Variants in NPEPL1 observed in about 807,000 individuals in gnomAD.
The protein encoded by NPEPL1 is probable aminopeptidase NPEPL1.
Under a neutral mutation model 52.4 loss-of-function variants are expected in NPEPL1, and 45 were observed. The observed-to-expected ratio is 0.86, with a 90% confidence interval of 0.68 to 1.10. The LOEUF (loss-of-function observed/expected upper bound fraction) is 1.10, where lower values mean the gene tolerates loss of function less well. Ranked by LOEUF, NPEPL1 falls within the 50% of genes least tolerant of loss-of-function variation. The probability of loss-of-function intolerance (pLI) is 0.00; values close to 1 mark genes in which losing one functional copy is unlikely to be tolerated. For synonymous variants in NPEPL1, 360 were observed against 314.7 expected (o/e 1.14, Z -1.52); for missense variants, 696 against 710.9 (o/e 0.98, Z 0.24).
Position 58,712,443 on chromosome 20 carries a change from C to T in NPEPL1, c.901-36C>T, listed in dbSNP as rs534805991. The T allele has an allele frequency of 3.1e-5, 45 of 1,449,620 alleles. No homozygotes were observed. The East Asian group carries it at 6.4e-4, about 20-fold the overall frequency. 89.8% of individuals were successfully genotyped at this position (1,449,620 alleles called of 1,614,324 possible). A position where few individuals can be genotyped will look rare whatever the true frequency, so the allele number is the denominator to read the frequency against. On this transcript the variant is annotated intron_variant, in intron 7 of 11. Transcript: ENST00000356091. ...TCCTCCCCCCTCCCCAAACCTATGA[C>T]CTACAACTGGAGCCTCTGCCCACTT...
chr20:58,704,939 A>AAATG (rs1237660582), intron 6 of NPEPL1, among the ~76,000 whole-genome samples: 1 of 152,228 alleles, frequency 6.6e-6, no homozygotes, highest in Admixed American at 6.5e-5. Flanking sequence ...TTTCATGGAA[A>AAATG]AATGAATGTT....
chr20:58,699,934 G>A (rs1444977381), intron 5 of NPEPL1, among the ~76,000 whole-genome samples: 2 of 152,246 alleles, frequency 1.3e-5, no homozygotes, highest in African/African-American at 4.8e-5. Flanking sequence ...GTGGGTTGGG[G>A]ATCTTCCCCT....
At chr20:58,694,310 C>T in intron 2 of NPEPL1, 112 bp from the exon 3 acceptor site, 1 of 1,117,250 alleles carries the variant, frequency 9.0e-7, no homozygotes, top group Non-Finnish European at 1.3e-6. Context: ...ACATCTCTGT[C>T]TAGATGTCAC....
chr20:58,696,631 T>C (rs901929565), intron 3 of NPEPL1, among the ~76,000 whole-genome samples: 4 of 152,242 alleles, frequency 2.6e-5, no homozygotes, highest in Non-Finnish European at 5.9e-5. Context: ...GGTGCTCTCC[T>C]GGGCTGTGGC....
upstream of NPEPL1, among the ~76,000 whole-genome samples, chr20:58,690,348 G>A (rs150205439): frequency 2.3e-3 from 357 of 152,244 alleles, 1 homozygote; most frequent in African/African-American, 8.3e-3. Flanking sequence ...ATTTTTTAAG[G>A]AAAATTAAAT....
chr20:58,699,161 TTGTTGTGC>T, intron 4 of NPEPL1, 28 bp from the exon 5 acceptor site: 1 of 1,528,342 alleles, frequency 6.5e-7, no homozygotes, highest in South Asian at 1.2e-5. Context: ...TCTTCATGTG[TTGTTGTGC>T]TGTTGTTTTT....
At chr20:58,691,710 T>TA, upstream of NPEPL1, 1 of 702,640 alleles carries the variant, frequency 1.4e-6, no homozygotes, top group Admixed American at 3.3e-5. Context: ...TTTTTTTTTT[T>TA]TTTTCATTTT....
rs201431001 is a variant in NPEPL1 at position 58,693,721 on chromosome 20, C to T, written c.151-16C>T. On this transcript the variant is annotated splice_polypyrimidine_tract_variant and intron_variant, in intron 1 of 11. Transcript: ENST00000356091. Reference sequence around the variant, plus strand: ...TGTTTGAAGCCTCTGTGTCTTGTCTCTCCCTTCTGATCTAGCTCTGGCAGG... The same window carrying T: ...TGTTTGAAGCCTCTGTGTCTTGTCTTTCCCTTCTGATCTAGCTCTGGCAGG... 32 of 1,589,518 alleles carry T rather than the reference C, an allele frequency of 2.0e-5. No homozygotes were observed. In the African/African-American group the frequency reaches 3.8e-4, roughly 19 times the overall value.
At chr20:58,697,274 C>T (rs184167124) in intron 3 of NPEPL1, among the ~76,000 whole-genome samples, 17 of 152,358 alleles carry the variant, frequency 1.1e-4, no homozygotes, top group African/African-American at 3.6e-4. Context: ...CCCACAGGAG[C>T]GCTCTTGCGT....
At chr20:58,692,108 C>T (rs1042085148), upstream of NPEPL1, 14 of 463,100 alleles carry the variant, frequency 3.0e-5, no homozygotes, top group African/African-American at 2.6e-4. The surrounding 1 kb of genome is among the most constrained non-coding windows in gnomAD (Gnocchi z 5.7). Context: ...ACCCTTCTTG[C>T]AAAGGGGTGG....
chr20:58,712,111 A>T (rs912904), intron 7 of NPEPL1, among the ~76,000 whole-genome samples: 1 of 47,476 alleles, frequency 2.1e-5, no homozygotes, highest in African/African-American at 4.2e-5. Context: ...CTGTGTGTGT[A>T]CGTGTGTGTG....
At chr20:58,700,933 C>T (rs1213273380) in intron 5 of NPEPL1, 83 bp from the exon 6 acceptor site, 15 of 1,321,638 alleles carry the variant, frequency 1.1e-5, no homozygotes, top group Admixed American at 3.8e-5. Flanking sequence ...AAACACCAGC[C>T]GGCCAGAGTT....
chr20:58,704,502 C>CA (rs2084700239), intron 6 of NPEPL1: 1 of 396,804 alleles, frequency 2.5e-6, no homozygotes, highest in Admixed American at 6.4e-5. Flanking sequence ...TTAAAAATAA[C>CA]ATATAAATCC....
At chr20:58,701,733 G>A (rs1408449863) in intron 6 of NPEPL1, among the ~76,000 whole-genome samples, 5 of 152,200 alleles carry the variant, frequency 3.3e-5, no homozygotes, top group Middle Eastern at 3.4e-3. Flanking sequence ...CTGAGAAAAC[G>A]CTCAGAGTGG....
At chr20:58,702,323 T>TA (rs766166989) in intron 6 of NPEPL1, among the ~76,000 whole-genome samples, 96 of 152,326 alleles carry the variant, frequency 6.3e-4, no homozygotes, top group South Asian at 1.7e-3. Context: ...CAGTTTGGTT[T>TA]GCGGTAGGCC....
chr20:58,691,960 G>A, upstream of NPEPL1: 1 of 689,540 alleles, frequency 1.5e-6, no homozygotes. Context: ...CTCACCCCTG[G>A]CTCCTCCACC....
intron 6 of NPEPL1, 57 bp from the exon 7 acceptor site, chr20:58,707,066 T>C: frequency 6.6e-7 from 1 of 1,522,128 alleles, no homozygotes; most frequent in Non-Finnish European, 8.9e-7. Flanking sequence ...GGGCTTCCGC[T>C]GCCAGGCCTG....
At chr20:58,703,428 C>A in intron 6 of NPEPL1, 2 of 974,452 alleles carry the variant, frequency 2.1e-6, no homozygotes, top group Non-Finnish European at 2.4e-6. Flanking sequence ...AGATAGTGCA[C>A]CCCCTACTGC....
intron 10 of NPEPL1, 45 bp downstream of exon 10, chr20:58,714,138 C>A: frequency 6.6e-7 from 1 of 1,509,816 alleles, no homozygotes; most frequent in Non-Finnish European, 8.8e-7. Flanking sequence ...ATGGGTGGAG[C>A]CGGGCAGGCG....
Sources: gnomAD v4.1 joint callset for allele counts (sites outside exome capture counted in the v4.1 genomes callset) on GRCh38, gnomAD v4.1.1 for gene constraint, Gnocchi (gnomAD v3.1) non-coding constraint, MANE v1.5 for transcripts, NCBI Gene and HGNC (gene_info 2026-07-23, HGNC 2026-07-21) for gene names.